USP24: variants seen among roughly 807,000 people sequenced by gnomAD.
The protein encoded by USP24 is ubiquitin specific peptidase 24, also known as ubiquitin carboxyl-terminal hydrolase 24.
In USP24, 97 loss-of-function variants were observed where a neutral mutation model predicts 361.6. The ratio of observed to expected loss-of-function variants is 0.27; its 90% CI spans 0.23 to 0.32. The LOEUF is 0.32. Among genes scored for constraint, USP24 ranks in the 10% least tolerant of loss-of-function variants. USP24 has a pLI of 1.00. For missense variants in USP24, 2,353 were observed against 3,165.6 expected, an observed-to-expected ratio of 0.74 and a Z score of 6.16; for synonymous variants, 1,098 against 1,124.6, an observed-to-expected ratio of 0.98 and a Z score of 0.47.
chr1:55,143,021 G>A lies in USP24; in HGVS notation c.2538C>T (p.Ile846=), dbSNP rs1442655597. 2.0e-6 allele frequency: 3 copies of A among 1,526,636 alleles called. No homozygotes were observed. The highest frequency in any genetic ancestry group is 2.6e-6 in the Non-Finnish European group (3 of 1,135,514). The allele number at this position is 1,526,636 out of a possible 1,614,324, so 94.6% of individuals were successfully genotyped here. Residue 846 remains isoleucine (I), a synonymous_variant, in exon 22 of 68, where the codon ATC becomes ATT. Coordinates refer to ENST00000294383, the MANE Select transcript of USP24 (RefSeq NM_015306.3). ...EEIANEAIQL[I]INYSYINLNP... ...TTAGATTAATGTAACTATAGTTTATGATTAGCTGAATAGCTTCATTAGCAA... is the reference window on the plus strand; with the variant it reads ...TTAGATTAATGTAACTATAGTTTATAATTAGCTGAATAGCTTCATTAGCAA...
chr1:55,091,737 A>C (rs1277570040), intron 54 of USP24, among the ~76,000 whole-genome samples: 1 of 152,196 alleles, frequency 6.6e-6, no homozygotes, highest in Non-Finnish European at 1.5e-5. Flanking sequence ...TGAGAACATC[A>C]GTGTCTTAAA....
In USP24 at chr1:55,176,412, C is replaced by G; in HGVS notation, c.522G>C (p.Arg174Ser). 1 of 1,572,892 alleles carries G rather than the reference C, an allele frequency of 6.4e-7. No individual in the cohort carries two copies. Among genetic ancestry groups the G allele is most frequent in the Non-Finnish European group, 8.6e-7 (1 of 1,157,302 alleles). ...CTTCAGGCATACACCTGTCCATAAA[C>G]CTTCTACAATTCTCATCAGACTCGG... ...GLSESDENCRRFMDRCMPEAF... is the reference protein window; with the variant it reads ...GLSESDENCRSFMDRCMPEAF... The change falls in exon 3 of 68, where the codon AGG becomes AGC. Residue 174 changes from arginine (R) to serine (S), a missense_variant. Physicochemically the swap from Arg to Ser is moderately radical, Grantham distance 110. This residue lies in a region of USP24 where 253 missense variants were observed against 255.3 expected (regional missense o/e 0.99). Transcript: ENST00000294383.
At chr1:55,203,760 T>G (rs1213535115) in intron 1 of USP24, among the ~76,000 whole-genome samples, 1 of 152,154 alleles carries the variant, frequency 6.6e-6, no homozygotes, top group Non-Finnish European at 1.5e-5. Flanking sequence ...TTGCTTGTTA[T>G]TCTCTAAAGG....
chr1:55,183,916 AG>A lies in USP24; in HGVS notation c.325-5785del, dbSNP rs565758995. ...TTCATAATAAAAAGGTCAATACAAC[AG>A]GAAGATAAAATGATGAAAAAATATA... On this transcript the variant is annotated intron_variant, in intron 1 of 67. Transcript: ENST00000294383. 5.9e-5 allele frequency among the ~76,000 whole-genome samples: 9 copies of A among 152,340 alleles called. No homozygotes were observed. The South Asian group carries it at 1.5e-3, about 25-fold the overall frequency.
intron 16 of USP24, among the ~76,000 whole-genome samples, chr1:55,153,327 A>G (rs1647295773): frequency 6.6e-6 from 1 of 152,200 alleles, no homozygotes; most frequent in African/African-American, 2.4e-5. Context: ...TCCCTCTTAT[A>G]CAAGTCCGTA....
chr1:55,176,325 C>T, intron 3 of USP24, 51 bp downstream of exon 3: 1 of 1,491,146 alleles, frequency 6.7e-7, no homozygotes, highest in Non-Finnish European at 9.1e-7. Flanking sequence ...TTCCTTCACC[C>T]TGCCCCCACC....
chr1:55,083,713 A>AT (rs2100438048), intron 57 of USP24, 59 bp downstream of exon 57: 2 of 1,340,048 alleles, frequency 1.5e-6, no homozygotes, highest in Non-Finnish European at 2.0e-6. Context: ...CAGTCTAAAA[A>AT]TTTTTTAGAG....
intron 8 of USP24, 78 bp downstream of exon 8, chr1:55,162,121 A>T: frequency 7.3e-7 from 1 of 1,367,824 alleles, no homozygotes; most frequent in Admixed American, 2.5e-5. Context: ...GACCACTCTG[A>T]ATAACCTGAT....
intron 19 of USP24, 41 bp from the exon 20 acceptor site, chr1:55,146,150 T>G: frequency 1.4e-6 from 2 of 1,445,120 alleles, no homozygotes; most frequent in Non-Finnish European, 1.9e-6. Flanking sequence ...CTAAGATCCA[T>G]TTCAGGCACA....
At chr1:55,171,939 A>G (rs908513535) in intron 4 of USP24, among the ~76,000 whole-genome samples, 4 of 152,126 alleles carry the variant, frequency 2.6e-5, no homozygotes, top group African/African-American at 9.7e-5. Context: ...TGTGATGCCA[A>G]TGCCCCAAGT....
intron 67 of USP24, among the ~76,000 whole-genome samples, chr1:55,070,824 C>T (rs565234817): frequency 1.8e-4 from 27 of 152,236 alleles, no homozygotes; most frequent in South Asian, 6.2e-4. Flanking sequence ...CACATTAGAA[C>T]GCAAAGCTCT....
In USP24 at chr1:55,201,600, CAAAAAAAAAAAAA is replaced by C. The variant is rs56659823; in HGVS notation, c.324+13177_324+13189del. On this transcript the variant is annotated intron_variant, in intron 1 of 67. Coordinates refer to ENST00000294383, the MANE Select transcript of USP24 (RefSeq NM_015306.3). Reference sequence around the variant, plus strand: ...TGGGTGACAGAGCAAGACTCCATCTCAAAAAAAAAAAAAAAAAAAAAAAAAAAAAGACTCAATT... The same window carrying C: ...TGGGTGACAGAGCAAGACTCCATCTCAAAAAAAAAAAAAAAAGACTCAATT... Among the ~76,000 whole-genome samples the C allele has an allele frequency of 8.7e-4, 31 of 35,456 alleles. 3 individuals carry two copies. The South Asian group carries it at 0.028, about 32-fold the overall frequency. 23.3% of individuals were successfully genotyped at this position (35,456 alleles called of 152,430 possible). A position where few individuals can be genotyped will look rare whatever the true frequency, so the allele number is the denominator to read the frequency against.
At chr1:55,069,256 T>A in intron 67 of USP24, 149 bp from the exon 68 acceptor site, 1 of 722,618 alleles carries the variant, frequency 1.4e-6, no homozygotes, top group Non-Finnish European at 2.3e-6. Context: ...CTATTACATC[T>A]AATATTTGAC....
chr1:55,111,210 A>G (rs1645940204), intron 38 of USP24, among the ~76,000 whole-genome samples: 1 of 152,010 alleles, frequency 6.6e-6, no homozygotes, highest in Non-Finnish European at 1.5e-5. Flanking sequence ...CTTAGGCATT[A>G]AAAAAAGCTG....
At chr1:55,075,592 T>G (rs1047743137) in intron 62 of USP24, 69 bp from the exon 63 acceptor site, 1 of 1,077,406 alleles carries the variant, frequency 9.3e-7, no homozygotes, top group African/African-American at 1.6e-5. Flanking sequence ...GTGCTTTCTT[T>G]ATAATTCTAC....
intron 1 of USP24, among the ~76,000 whole-genome samples, chr1:55,198,474 G>A (rs1165429216): frequency 1.3e-5 from 2 of 152,012 alleles, no homozygotes; most frequent in African/African-American, 2.4e-5. Context: ...TGAGCTGTGT[G>A]ATTTTAGACA....
At chr1:55,172,663 G>T in intron 3 of USP24, 143 bp from the exon 4 acceptor site, 2 of 847,090 alleles carry the variant, frequency 2.4e-6, no homozygotes, top group Non-Finnish European at 3.4e-6. Context: ...AAGACCCATA[G>T]CTGTAGTTCA....
chr1:55,121,921 C>A (rs1364014700), intron 36 of USP24, among the ~76,000 whole-genome samples: 1 of 152,024 alleles, frequency 6.6e-6, no homozygotes, highest in Non-Finnish European at 1.5e-5. Context: ...GAAAATTAAA[C>A]GAAATCAAAC....
chr1:55,099,226 T>G (rs17111617), intron 45 of USP24, among the ~76,000 whole-genome samples: 4,436 of 152,090 alleles, frequency 0.029, 157 homozygotes, highest in African/African-American at 0.082. Context: ...AGATTAAGAG[T>G]TACATACTTT....
Sources: allele counts gnomAD v4.1 joint callset (sites outside exome capture counted in the v4.1 genomes callset), GRCh38; gene constraint gnomAD v4.1.1; regional missense constraint gnomAD v4.1.1; transcripts MANE v1.5; gene names NCBI Gene and HGNC (gene_info 2026-07-23, HGNC 2026-07-21).